The following KLC1 variants were observed in gnomAD, a reference collection of about 807,000 sequenced individuals.
KLC1 encodes the protein kinesin light chain 1, also known as kinesin 2 60/70kDa.
In KLC1, 30 loss-of-function variants were observed where a neutral mutation model predicts 84.2. That is an observed-to-expected ratio of 0.36 (90% confidence interval 0.27 to 0.48). The LOEUF (loss-of-function observed/expected upper bound fraction) is 0.48. Among genes scored for constraint, KLC1 ranks in the 20% least tolerant of loss-of-function variants. The pLI, the probability that KLC1 is intolerant of heterozygous loss-of-function variation, is 0.99. For missense variants in KLC1, 499 were observed against 805.4 expected (o/e 0.62, Z 4.60); for synonymous variants, 289 against 293.3 (o/e 0.99, Z 0.15).
chr14:103,696,286 A>G (rs1214060821), intron 15 of KLC1: 5 of 985,324 alleles, frequency 5.1e-6, no homozygotes, highest in African/African-American at 1.7e-5. Flanking sequence ...TGTGTGGCTC[A>G]GGGGTCCTCA....
At chr14:103,654,034 C>A (rs570372803) in intron 1 of KLC1, among the ~76,000 whole-genome samples, 2 of 152,324 alleles carry the variant, frequency 1.3e-5, no homozygotes, top group African/African-American at 4.8e-5. Flanking sequence ...GTGAGCCTGC[C>A]CGGTGACCGT....
At position 103,693,187 on chromosome 14, in the gene KLC1, C is replaced by T. The variant is rs79566065; in HGVS notation, c.1848+762C>T. Reference sequence around the variant, plus strand: ...CCAGTTGTCCAGATCCACTAATCCTCACAGACAGGCCAGTGCCCCGACCTG... The same window carrying T: ...CCAGTTGTCCAGATCCACTAATCCTTACAGACAGGCCAGTGCCCCGACCTG... On this transcript the variant is annotated intron_variant, in intron 15 of 16. Transcript: ENST00000334553. The surrounding 1 kb of genome is among the most constrained non-coding windows in gnomAD (Gnocchi z 5.1). Among the ~76,000 whole-genome samples the T allele has an allele frequency of 0.016, 2,381 of 152,216 alleles. 58 individuals carry two copies. The highest frequency in any genetic ancestry group is 0.054 in the African/African-American group (2,223 of 41,530).
In KLC1 at chr14:103,659,919, T is replaced by G. The variant is rs140197711; in HGVS notation, c.492+2143T>G. On this transcript the variant is annotated intron_variant, in intron 3 of 16. Coordinates refer to ENST00000334553, the MANE Select transcript of KLC1 (RefSeq NM_001394837.1). ...CTGCTGCCATCTCTTTGTGTTCTCATATGGTACAGAGAGAGAGGGAGTAAG... is the reference window on the plus strand; with the variant it reads ...CTGCTGCCATCTCTTTGTGTTCTCAGATGGTACAGAGAGAGAGGGAGTAAG... Among the ~76,000 whole-genome samples the G allele has an allele frequency of 1.4e-4, 22 of 152,264 alleles. No individual in the cohort carries two copies. In the East Asian group the frequency reaches 4.1e-3, roughly 28 times the overall value.
intron 15 of KLC1, chr14:103,699,613 A>C: frequency 1.2e-6 from 2 of 1,607,556 alleles, no homozygotes; most frequent in Non-Finnish European, 1.7e-6. Context: ...GCTGGTCAGC[A>C]AGTCCCCGCC....
At chr14:103,685,545 T>C (rs1049184284) in intron 13 of KLC1, 55 of 1,288,490 alleles carry the variant, frequency 4.3e-5, no homozygotes, top group Non-Finnish European at 5.6e-5. Context: ...ACTTGTGACC[T>C]AGAAATACTG....
At chr14:103,663,024 A>G (rs111812183) in intron 5 of KLC1, 97 bp downstream of exon 5, 80 of 743,282 alleles carry the variant, frequency 1.1e-4, no homozygotes, top group African/African-American at 6.6e-4. Flanking sequence ...TGTATAAACT[A>G]TTTTTCAACC....
intron 2 of KLC1, 56 bp downstream of exon 2, chr14:103,654,881 C>T (rs2078712919): frequency 6.4e-7 from 1 of 1,550,406 alleles, no homozygotes. Context: ...AAAATGGAGA[C>T]TTGTTTGAAA....
chr14:103,699,899 G>A (rs939192070), intron 15 of KLC1: 10 of 402,190 alleles, frequency 2.5e-5, no homozygotes, highest in African/African-American at 1.8e-4. Context: ...AGTCCTTGCG[G>A]GGGTCTGCTC....
chr14:103,699,600 T>A, intron 15 of KLC1: 1 of 1,612,254 alleles, frequency 6.2e-7, no homozygotes, highest in Non-Finnish European at 8.5e-7. Context: ...TGTCATTGTC[T>A]ATGCTGGTCA....
chr14:103,693,345 G>C lies in KLC1; in HGVS notation c.1848+920G>C, dbSNP rs1366176690. ...ACCCCTAATGACAAGAGGAAAGAAA[G>C]TCTCTTCATTTTACAGGGTCCTGTA... is the stretch of plus-strand genomic sequence containing the variant. On this transcript the variant is annotated intron_variant, in intron 15 of 16. Coordinates refer to ENST00000334553, the MANE Select transcript of KLC1 (RefSeq NM_001394837.1). The surrounding 1 kb of genome is among the most constrained non-coding windows in gnomAD (Gnocchi z 5.1). Among the ~76,000 whole-genome samples the C allele has an allele frequency of 1.3e-5, 2 of 152,046 alleles. No homozygotes were observed. The highest frequency in any genetic ancestry group is 1.5e-5 in the Non-Finnish European group (1 of 67,994).
intron 1 of KLC1, among the ~76,000 whole-genome samples, chr14:103,640,280 G>C (rs1595255291): frequency 6.6e-6 from 1 of 151,774 alleles, no homozygotes; most frequent in African/African-American, 2.4e-5. Flanking sequence ...GGCTGGTCTC[G>C]ATCTCCTGAC....
chr14:103,678,680 A>C (rs1339596448), intron 12 of KLC1, among the ~76,000 whole-genome samples: 1 of 151,774 alleles, frequency 6.6e-6, no homozygotes, highest in African/African-American at 2.4e-5. Flanking sequence ...ACAGAGCGAG[A>C]CCCTGTCTCA....
intron 15 of KLC1, chr14:103,695,573 C>T: frequency 1.0e-5 from 10 of 985,196 alleles, no homozygotes; most frequent in Non-Finnish European, 9.6e-6. Context: ...GAGTTTGGAA[C>T]CCAGACAGTT....
intron 7 of KLC1, among the ~76,000 whole-genome samples, chr14:103,672,709 T>C (rs918887750): frequency 5.3e-5 from 8 of 152,188 alleles, no homozygotes; most frequent in African/African-American, 1.7e-4. Flanking sequence ...AAAATGTGCC[T>C]AATGTGTACA....
At position 103,695,880 on chromosome 14, in the gene KLC1, G is replaced by C. The variant is rs2082431913; in HGVS notation, c.1848+3455G>C. 5.1e-6 allele frequency: 5 copies of C among 985,420 alleles called. No individual in the cohort carries two copies. The South Asian group carries it at 1.9e-4, about 37-fold the overall frequency. 61.0% of individuals were successfully genotyped at this position (985,420 alleles called of 1,614,324 possible). ...AGAGGGAGGCGGCAAGGGAATCTGA[G>C]TACCTGAGTCCCCGATGTTTGAACC... is the stretch of plus-strand genomic sequence containing the variant. On this transcript the variant is annotated intron_variant, in intron 15 of 16. Coordinates refer to ENST00000334553, the MANE Select transcript of KLC1 (RefSeq NM_001394837.1).
chr14:103,672,616 TG>T (rs1381117042), intron 7 of KLC1, among the ~76,000 whole-genome samples: 4 of 152,162 alleles, frequency 2.6e-5, no homozygotes, highest in Non-Finnish European at 5.9e-5. Context: ...AAGAGCATCC[TG>T]GGCAACTGGG....
At chr14:103,647,286 G>A (rs1357046070) in intron 1 of KLC1, among the ~76,000 whole-genome samples, 3 of 151,822 alleles carry the variant, frequency 2.0e-5, no homozygotes, top group Non-Finnish European at 2.9e-5. Flanking sequence ...TGCAGTGGCA[G>A]GATCTCGGCT....
intron 11 of KLC1, among the ~76,000 whole-genome samples, chr14:103,676,177 C>G (rs2151728539): frequency 6.6e-6 from 1 of 152,334 alleles, no homozygotes; most frequent in African/African-American, 2.4e-5. Flanking sequence ...GGCCCGAGAG[C>G]CTTGCCTCTT....
At chr14:103,645,742 T>G (rs1222970231) in intron 1 of KLC1, among the ~76,000 whole-genome samples, 4 of 149,084 alleles carry the variant, frequency 2.7e-5, no homozygotes, top group African/African-American at 4.9e-5. Flanking sequence ...AAAGATATAG[T>G]CAAAATAGGT....
Sources: allele counts gnomAD v4.1 joint callset (sites outside exome capture counted in the v4.1 genomes callset), GRCh38; gene constraint gnomAD v4.1.1; non-coding constraint Gnocchi (gnomAD v3.1); transcripts MANE v1.5; gene names NCBI Gene and HGNC (gene_info 2026-07-23, HGNC 2026-07-21).